Variants in EXD1 observed in about 807,000 individuals in gnomAD.
The protein encoded by EXD1 is exonuclease 3'-5' domain containing 1, also known as piRNA biogenesis protein EXD1.
Under a neutral mutation model 49.1 loss-of-function variants are expected in EXD1, and 63 were observed. The observed-to-expected ratio is 1.28, with a 90% CI of 1.05 to 1.58. EXD1 has a LOEUF of 1.58. Ranked by LOEUF, EXD1 falls within the 40% of genes most tolerant of loss-of-function variation. The pLI is 0.00. For synonymous variants in EXD1, 234 were observed against 239.2 expected, an observed-to-expected ratio of 0.98 and a Z score of 0.20; for missense variants, 748 against 666.0, an observed-to-expected ratio of 1.12 and a Z score of -1.36.
At chr15:41,202,166 A>T (rs4924538) in intron 7 of EXD1, among the ~76,000 whole-genome samples, 67,045 of 132,430 alleles carry the variant, frequency 0.51, 16,093 homozygotes, top group Non-Finnish European at 0.55. Context: ...ATATATATAT[A>T]TTTTTTTTAA....
rs1292810992 is a variant in EXD1, at chr15:41,226,490, C to A, written c.86G>T (p.Gly29Val). ...KLTLVCGVFE[G>V]VLQHVDPNKI... Reference sequence around the variant, plus strand: ...ATTAGGGTCAACATGCTGAAGCACACCCTCGAAGACACCACAGACCAATGT... The same window carrying A: ...ATTAGGGTCAACATGCTGAAGCACAACCTCGAAGACACCACAGACCAATGT... Residue 29 changes from glycine (G) to valine (V), a missense_variant, in exon 2 of 12, where the codon GGT (glycine) becomes GTT (valine). Physicochemically the swap from Gly to Val is moderately radical, Grantham distance 109. Coordinates refer to ENST00000458580, the MANE Select transcript of EXD1 (RefSeq NM_001286441.2). The A allele has an allele frequency of 1.3e-6, 2 of 1,535,928 alleles. No individual in the cohort carries two copies. Among genetic ancestry groups the A allele is most frequent in the East Asian group, 2.4e-5 (1 of 40,934 alleles).
intron 9 of EXD1, among the ~76,000 whole-genome samples, chr15:41,192,642 T>C (rs1327409638): frequency 7.9e-6 from 1 of 127,044 alleles, no homozygotes; most frequent in Non-Finnish European, 1.6e-5. Context: ...TGAGATAGGG[T>C]CTTGCTCTAT....
chr15:41,199,686 TATGA>T (rs1245143329), intron 7 of EXD1, among the ~76,000 whole-genome samples: 2 of 102,634 alleles, frequency 1.9e-5, no homozygotes, highest in South Asian at 7.3e-4. Context: ...ATATCATATA[TATGA>T]GATATATTAC....
chr15:41,186,470 C>CAAAAAAAAAAAAAAAAA (rs58793050), intron 11 of EXD1, among the ~76,000 whole-genome samples: 2 of 68,274 alleles, frequency 2.9e-5, no homozygotes, highest in African/African-American at 1.0e-4. Context: ...GACTCTGTCT[C>CAAAAAAAAAAAAAAAAA]AAAAAAAAAA....
chr15:41,227,768 C>G (rs1019417963), intron 1 of EXD1, among the ~76,000 whole-genome samples: 28 of 151,752 alleles, frequency 1.8e-4, no homozygotes, highest in African/African-American at 6.8e-4. Context: ...GGGTACTCAC[C>G]ACTGGGTGCA....
intron 11 of EXD1, among the ~76,000 whole-genome samples, chr15:41,186,786 T>A (rs1015503545): frequency 1.3e-5 from 2 of 151,958 alleles, no homozygotes; most frequent in African/African-American, 4.8e-5. Flanking sequence ...TTTTTTTTTC[T>A]TTTAGGAGAT....
intron 7 of EXD1, among the ~76,000 whole-genome samples, chr15:41,198,208 G>C (rs892267243): frequency 3.3e-5 from 5 of 151,974 alleles, no homozygotes; most frequent in Non-Finnish European, 4.4e-5. Context: ...GTGCCTGGGG[G>C]CTCCTAGATG....
intron 6 of EXD1, among the ~76,000 whole-genome samples, chr15:41,212,220 C>T (rs1028395210): frequency 1.3e-5 from 2 of 151,936 alleles, no homozygotes; most frequent in African/African-American, 4.8e-5. Context: ...GAGGCTGAGG[C>T]GGGCAGATCA....
intron 7 of EXD1, among the ~76,000 whole-genome samples, chr15:41,207,926 G>T (rs2046858653): frequency 6.6e-6 from 1 of 151,090 alleles, no homozygotes; most frequent in Non-Finnish European, 1.5e-5. Flanking sequence ...CATAAGAATT[G>T]CTTGAACCTG....
intron 2 of EXD1, 103 bp downstream of exon 2, chr15:41,226,340 C>A: frequency 8.9e-7 from 1 of 1,125,962 alleles, no homozygotes; most frequent in South Asian, 1.5e-5. Flanking sequence ...CACACTTTAC[C>A]TAAAATAGGA....
chr15:41,222,509 C>T (rs2047104021), intron 2 of EXD1, among the ~76,000 whole-genome samples: 1 of 152,178 alleles, frequency 6.6e-6, no homozygotes, highest in African/African-American at 2.4e-5. Flanking sequence ...TCAAGCACTT[C>T]TAGGTACGAA....
chr15:41,195,779 G>A lies in EXD1; in HGVS notation c.716C>T (p.Thr239Ile), dbSNP rs2046600337. Residue 239 changes from threonine to isoleucine, a missense_variant, in exon 9 of 12, where the codon ACA (threonine) becomes ATA (isoleucine). Thr to Ile is a moderately conservative substitution (Grantham distance 89). Coordinates refer to ENST00000458580, the MANE Select transcript of EXD1 (RefSeq NM_001286441.2). ...CCAGTGCTTCCCTTCATGTACCTGT[G>A]TGTCAAAGACATTATTCAGCAAAAT... ...YGILLNNVFD[T>I]QVADVLQFSM... 1 of 1,612,072 alleles carries A rather than the reference G, an allele frequency of 6.2e-7. No homozygotes were observed. The highest frequency in any genetic ancestry group is 8.5e-7 in the Non-Finnish European group (1 of 1,179,262).
At chr15:41,184,709 C>T (rs960211363) in intron 11 of EXD1, 116 bp from the exon 12 acceptor site, 61 of 1,079,154 alleles carry the variant, frequency 5.7e-5, no homozygotes, top group Non-Finnish European at 7.3e-5. Flanking sequence ...GGCTGAAGTG[C>T]AGTGGCACGA....
chr15:41,221,572 G>A (rs2047089398), intron 2 of EXD1, among the ~76,000 whole-genome samples: 1 of 151,790 alleles, frequency 6.6e-6, no homozygotes, highest in South Asian at 2.1e-4. Context: ...ACCCTGCCTG[G>A]CAATACATTT....
intron 9 of EXD1, among the ~76,000 whole-genome samples, chr15:41,193,499 G>A (rs68180828): frequency 0.12 from 18,953 of 152,032 alleles, 1,384 homozygotes; most frequent in South Asian, 0.27. Flanking sequence ...CAGCACTTTG[G>A]AAGCCAAGGC....
At chr15:41,199,670 TTA>T (rs1181521999) in intron 7 of EXD1, among the ~76,000 whole-genome samples, 17 of 109,830 alleles carry the variant, frequency 1.5e-4, no homozygotes, top group South Asian at 6.2e-4. Context: ...GATATACACA[TTA>T]TATATATCAT....
chr15:41,199,147 C>T (rs528974483), intron 7 of EXD1, among the ~76,000 whole-genome samples: 5 of 151,960 alleles, frequency 3.3e-5, no homozygotes, highest in South Asian at 2.1e-4. Flanking sequence ...TTAGTAGAGA[C>T]GGGATTTTAC....
At chr15:41,190,496 A>G in intron 10 of EXD1, 1 of 287,810 alleles carries the variant, frequency 3.5e-6, no homozygotes, top group East Asian at 8.2e-5. Context: ...AGAAAAAAAA[A>G]GAAAAGAAAA....
chr15:41,202,285 G>C (rs1294199439), intron 7 of EXD1, among the ~76,000 whole-genome samples: 2 of 151,522 alleles, frequency 1.3e-5, no homozygotes, highest in Non-Finnish European at 2.9e-5. Context: ...AGTAATTCTC[G>C]TGCCTCAGCC....
Sources: allele counts gnomAD v4.1 joint callset (sites outside exome capture counted in the v4.1 genomes callset), GRCh38; gene constraint gnomAD v4.1.1; transcripts MANE v1.5; gene names NCBI Gene and HGNC (gene_info 2026-07-23, HGNC 2026-07-21).